GPR107: variants seen among roughly 807,000 people sequenced by gnomAD.
GPR107 encodes the protein G protein-coupled receptor 107.
A neutral mutation model predicts 75.5 loss-of-function variants in GPR107; 31 were observed. The observed-to-expected ratio is 0.41, with a 90% confidence interval of 0.31 to 0.55. The LOEUF is 0.55. Among genes scored for constraint, GPR107 ranks in the 20% least tolerant of loss-of-function variants. The pLI is 0.26. For missense variants in GPR107, 572 were observed against 665.7 expected (o/e 0.86, Z 1.55); for synonymous variants, 267 against 251.3 (o/e 1.06, Z -0.59).
intron 14 of GPR107, among the ~76,000 whole-genome samples, chr9:130,118,187 T>C (rs553094326): frequency 4.6e-5 from 7 of 152,086 alleles, no homozygotes; most frequent in Non-Finnish European, 1.0e-4. Context: ...ACAGAGGCCA[T>C]CGTGAGATGA....
intron 12 of GPR107, among the ~76,000 whole-genome samples, chr9:130,102,951 T>C (rs1355064950): frequency 1.1e-4 from 1 of 8,820 alleles, no homozygotes; most frequent in African/African-American, 4.6e-4. Context: ...ACCTGACTAA[T>C]TTTTAATTTT....
intron 12 of GPR107, among the ~76,000 whole-genome samples, chr9:130,101,504 T>G (rs1462463454): frequency 6.6e-6 from 1 of 152,242 alleles, no homozygotes; most frequent in Non-Finnish European, 1.5e-5. Context: ...ACAGTACTGT[T>G]TTCTCTTCTG....
In GPR107 at chr9:130,080,194, A is replaced by G. The variant is rs116681159; in HGVS notation, c.526+425A>G. On this transcript the variant is annotated intron_variant, in intron 5 of 17. Coordinates refer to ENST00000347136, the MANE Select transcript of GPR107 (RefSeq NM_020960.5). ...TTTCCATTTTTGTGTGATTATGAAT[A>G]TTGCTGCAGTGGACTTCTTTATGCA... 5.2e-3 allele frequency among the ~76,000 whole-genome samples: 796 copies of G among 152,296 alleles called. 7 individuals carry two copies. The highest frequency in any genetic ancestry group is 0.018 in the African/African-American group (761 of 41,566).
At chr9:130,113,791 C>T (rs1245748677) in intron 14 of GPR107, among the ~76,000 whole-genome samples, 1 of 152,104 alleles carries the variant, frequency 6.6e-6, no homozygotes, top group Non-Finnish European at 1.5e-5. Flanking sequence ...AGATTCCCCA[C>T]CTCCCTCATC....
rs1831918359 is a variant in GPR107, at chr9:130,135,072, T to G, written c.1610T>G (p.Val537Gly). 15 of 1,611,924 alleles carry G rather than the reference T, an allele frequency of 9.3e-6. No homozygotes were observed. The highest frequency in any genetic ancestry group is 1.2e-5 in the Non-Finnish European group (14 of 1,178,656). The change falls in exon 18 of 18, where the codon GTG becomes GGG. Residue 537 changes from valine (V) to glycine (G), a missense_variant. Transcript: ENST00000347136. The part of the protein sequence containing the change: ...VMESMKKVKK[V>G]TNGSVEPQGE... ...GAAAGTATGAAGAAAGTCAAGAAGG[T>G]GACCAACGGCTCCGTGGAGCCCCAG... is the stretch of plus-strand genomic sequence containing the variant.
chr9:130,098,548 G>A (rs572672118), intron 9 of GPR107, among the ~76,000 whole-genome samples: 3 of 152,250 alleles, frequency 2.0e-5, no homozygotes, highest in South Asian at 2.1e-4. Context: ...GGTGGTTTCC[G>A]GGAACAAGCT....
chr9:130,114,029 C>CTTTTTTTTTTTTTTTTTTTTTTT (rs60616601), intron 14 of GPR107, among the ~76,000 whole-genome samples: 13 of 90,662 alleles, frequency 1.4e-4, no homozygotes, highest in Non-Finnish European at 2.2e-4. Flanking sequence ...TCTTCTCATT[C>CTTTTTTTTTTTTTTTTTTTTTTT]TTTTTTTTTT....
intron 8 of GPR107, among the ~76,000 whole-genome samples, chr9:130,092,036 G>T (rs930161302): frequency 1.3e-5 from 2 of 151,876 alleles, no homozygotes; most frequent in African/African-American, 4.8e-5. Context: ...GTTTCACCAT[G>T]TTGGCCAGGC....
intron 17 of GPR107, chr9:130,129,425 A>T (rs548659692): frequency 6.6e-6 from 1 of 152,254 alleles, no homozygotes; most frequent in Non-Finnish European, 1.5e-5. Flanking sequence ...GTTCACTGGT[A>T]TCAAGTGTTC....
At chr9:130,074,705 C>G (rs1830299199) in intron 1 of GPR107, among the ~76,000 whole-genome samples, 1 of 152,088 alleles carries the variant, frequency 6.6e-6, no homozygotes, top group South Asian at 2.1e-4. Flanking sequence ...TTGCATAAGG[C>G]TTTGTTCCCT....
intron 15 of GPR107, 126 bp downstream of exon 15, chr9:130,125,090 CTTTT>C (rs11461385): frequency 1.2e-4 from 19 of 158,132 alleles, no homozygotes; most frequent in South Asian, 1.9e-4. Context: ...GTGTGGCTTG[CTTTT>C]TTTTTTTTTT....
Position 130,135,908 on chromosome 9 carries a change from T to A in GPR107, c.*787T>A, listed in dbSNP as rs1554899908. 1 of 152,324 alleles carries A rather than the reference T, an allele frequency of 6.6e-6. No homozygotes were observed. Among genetic ancestry groups the A allele is most frequent in the African/African-American group, 2.4e-5 (1 of 41,458 alleles). The allele number at this position is 152,324 out of a possible 1,614,324, so 9.4% of individuals were successfully genotyped here. Reference sequence around the variant, plus strand: ...TTTTTAAGTTCAAAAAGCATTATCCTGTGGCGTTGCCTGGACATCCACTCC... The same window carrying A: ...TTTTTAAGTTCAAAAAGCATTATCCAGTGGCGTTGCCTGGACATCCACTCC... On this transcript the variant is annotated 3_prime_UTR_variant, in exon 18 of 18. Transcript: ENST00000347136.
chr9:130,121,183 A>G (rs1282706773), intron 14 of GPR107, among the ~76,000 whole-genome samples: 3 of 101,778 alleles, frequency 2.9e-5, no homozygotes, highest in Non-Finnish European at 6.6e-5. Context: ...ACCCTATCTC[A>G]AAACAAAACA....
intron 14 of GPR107, among the ~76,000 whole-genome samples, chr9:130,118,787 G>A (rs1374064028): frequency 6.6e-6 from 1 of 152,158 alleles, no homozygotes; most frequent in Non-Finnish European, 1.5e-5. Flanking sequence ...TGATTCTGTT[G>A]CTCACCCCCA....
chr9:130,063,378 G>T (rs559620), intron 1 of GPR107, among the ~76,000 whole-genome samples: 151,829 of 152,234 alleles, frequency 1, 75,715 homozygotes, highest in Middle Eastern at 1. Context: ...TTTTAGTAGA[G>T]ACAGGGTTTC....
rs755294143 is a variant in GPR107 at position 130,101,153 on chromosome 9, G to A, written c.1061G>A (p.Gly354Asp). 1.9e-6 allele frequency: 3 copies of A among 1,611,162 alleles called. No individual in the cohort carries two copies. The Admixed American group carries it at 5.0e-5, about 27-fold the overall frequency. The change falls in exon 12 of 18, where the codon GGC becomes GAC. Residue 354 changes from glycine to aspartate, a missense_variant. Gly to Asp is a moderately conservative substitution (Grantham distance 94). Transcript: ENST00000347136. ...LFITIALIGTGWAFIKHILSD... is the reference protein window; with the variant it reads ...LFITIALIGTDWAFIKHILSD... ...ATCACCATTGCACTCATTGGCACTG[G>A]CTGGGCTTTCATTAAGCACATCCTT...
chr9:130,093,740 G>A (rs1830797391), intron 9 of GPR107, among the ~76,000 whole-genome samples: 2 of 152,048 alleles, frequency 1.3e-5, no homozygotes, highest in South Asian at 4.1e-4. Context: ...CAGTGCTTTG[G>A]GAAGCCAAGG....
At position 130,139,530 on chromosome 9, in the gene GPR107, C is replaced by A. The variant is rs2132670631; in HGVS notation, c.*4409C>A. 6.6e-6 allele frequency: 1 copy of A among 152,346 alleles called. No homozygotes were observed. Among genetic ancestry groups the A allele is most frequent in the East Asian group, 1.9e-4 (1 of 5,164 alleles). The allele number at this position is 152,346 out of a possible 1,614,324, so 9.4% of individuals were successfully genotyped here. ...GTTCACTGCCAGGCCATGGGCCCCA[C>A]ACATCTCAGGCCCTGTGTGAGGGAG... On this transcript the variant is annotated 3_prime_UTR_variant, in exon 18 of 18. Coordinates refer to ENST00000347136, the MANE Select transcript of GPR107 (RefSeq NM_020960.5).
intron 1 of GPR107, among the ~76,000 whole-genome samples, chr9:130,055,711 G>T (rs1829767838): frequency 6.6e-6 from 1 of 152,050 alleles, no homozygotes; most frequent in Admixed American, 6.6e-5. Flanking sequence ...TTGGGAGGCC[G>T]AGGTGGGCGG....
Sources: gnomAD v4.1 joint callset for allele counts (sites outside exome capture counted in the v4.1 genomes callset) on GRCh38, gnomAD v4.1.1 for gene constraint, MANE v1.5 for transcripts, NCBI Gene and HGNC (gene_info 2026-07-23, HGNC 2026-07-21) for gene names.